PDPR: variants seen among roughly 807,000 people sequenced by gnomAD.
PDPR encodes pyruvate dehydrogenase phosphatase regulatory subunit, mitochondrial.
PDPR carries 50 observed loss-of-function variants against 102.2 expected under a neutral mutation model. That is an observed-to-expected ratio of 0.49 (90% CI 0.39 to 0.62). PDPR has a LOEUF of 0.62. Ranked by LOEUF, PDPR falls within the 20% of genes least tolerant of loss-of-function variation. PDPR has a pLI of 0.00. For missense variants in PDPR, 625 were observed against 1,098.2 expected (o/e 0.57, Z 6.09); for synonymous variants, 259 against 406.0 (o/e 0.64, Z 4.35).
chr16:70,123,111 A>C (rs1300144571), intron 3 of PDPR, among the ~76,000 whole-genome samples: 6 of 152,140 alleles, frequency 3.9e-5, no homozygotes, highest in African/African-American at 7.2e-5. Context: ...CATGTTGGCC[A>C]GGCAGGTCTT....
At chr16:70,144,766 A>G (rs1466464096) in intron 15 of PDPR, among the ~76,000 whole-genome samples, 2 of 152,156 alleles carry the variant, frequency 1.3e-5, no homozygotes, top group East Asian at 3.9e-4. Flanking sequence ...ACCAACCTGG[A>G]CTATATGGTG....
chr16:70,143,997 TC>T (rs1190129709), intron 14 of PDPR, among the ~76,000 whole-genome samples: 1 of 152,148 alleles, frequency 6.6e-6, no homozygotes, highest in Non-Finnish European at 1.5e-5. Context: ...GCTCAAGTGA[TC>T]CTCCCACCTC....
At chr16:70,115,711 G>C (rs1597279229) in intron 2 of PDPR, among the ~76,000 whole-genome samples, 1 of 152,144 alleles carries the variant, frequency 6.6e-6, no homozygotes, top group Non-Finnish European at 1.5e-5. Context: ...GGAATAAGCA[G>C]ATCTGAGTAG....
chr16:70,142,957 A>C (rs1965881639), intron 13 of PDPR, among the ~76,000 whole-genome samples: 4 of 152,258 alleles, frequency 2.6e-5, no homozygotes, highest in Admixed American at 2.0e-4. Context: ...GCAGTTTGGG[A>C]GGCCGAGACG....
chr16:70,123,496 C>T (rs1412096307), intron 3 of PDPR, among the ~76,000 whole-genome samples: 1 of 152,268 alleles, frequency 6.6e-6, no homozygotes, highest in Non-Finnish European at 1.5e-5. Flanking sequence ...CCTCAACCTC[C>T]CAAAGTACTG....
In PDPR at chr16:70,156,623, A is replaced by G. The variant is rs1471050353; in HGVS notation, c.2384A>G (p.Tyr795Cys). 2 of 1,613,984 alleles carry G rather than the reference A, an allele frequency of 1.2e-6. No individual in the cohort carries two copies. The highest frequency in any genetic ancestry group is 3.3e-5 in the Admixed American group (2 of 60,014). ...WGEPIYRNGQ[Y>C]VGKTTSSAYS... ...GAGCCCATTTACCGGAATGGGCAGT[A>G]TGTTGGCAAGACCACCAGCAGTGCC... Residue 795 changes from tyrosine to cysteine, a missense_variant, in exon 19 of 19, where the codon TAT (tyrosine) becomes TGT (cysteine). Tyr to Cys is a radical substitution (Grantham distance 194). Transcript: ENST00000288050.
intron 15 of PDPR, among the ~76,000 whole-genome samples, chr16:70,144,783 C>T (rs1377005635): frequency 5.3e-5 from 8 of 152,338 alleles, no homozygotes; most frequent in South Asian, 2.1e-4. Context: ...GGTGAAACCC[C>T]GTCTCTACTA....
intron 17 of PDPR, among the ~76,000 whole-genome samples, chr16:70,152,376 G>A (rs1011349891): frequency 6.6e-6 from 1 of 152,286 alleles, no homozygotes; most frequent in African/African-American, 2.4e-5. Context: ...AAAATTAGCT[G>A]GGTGTGGCGG....
chr16:70,159,451 C>G lies in PDPR; in HGVS notation c.*2572C>G, dbSNP rs537141381. The stretch of plus-strand genomic sequence containing the variant: ...ATGGGGTGTTGATCTTCTAGGACAT[C>G]ACTTGTTTATTCAGTGCCCCAAACA... On this transcript the variant is annotated 3_prime_UTR_variant, in exon 19 of 19. Coordinates refer to ENST00000288050, the MANE Select transcript of PDPR (RefSeq NM_017990.5). 2 of 152,752 alleles carry G rather than the reference C, an allele frequency of 1.3e-5. No individual in the cohort carries two copies. Among genetic ancestry groups the G allele is most frequent in the South Asian group, 2.1e-4 (1 of 4,834 alleles). The allele number at this position is 152,752 out of a possible 1,614,324, so 9.5% of individuals were successfully genotyped here.
At chr16:70,131,881 G>A (rs1239877254) in intron 8 of PDPR, 8 of 1,449,062 alleles carry the variant, frequency 5.5e-6, no homozygotes, top group African/African-American at 1.4e-5. Context: ...GGAGTTACGT[G>A]GTTTGCTTGT....
intron 2 of PDPR, among the ~76,000 whole-genome samples, chr16:70,115,163 G>A (rs1567512392): frequency 2.0e-5 from 3 of 151,830 alleles, no homozygotes; most frequent in African/African-American, 4.8e-5. Context: ...TCACTCTGTC[G>A]CCCAGGCGGG....
At position 70,153,386 on chromosome 16, in the gene PDPR, T is replaced by C. The variant is rs112390495; in HGVS notation, c.2053-5T>C. The C allele has an allele frequency of 3.4e-5, 54 of 1,610,582 alleles. No homozygotes were observed. The highest frequency in any genetic ancestry group is 2.8e-4 in the African/African-American group (21 of 74,930). ...TGCTTATGAACTTTCTGTCTCTTCC[T>C]ATAGTACGCCCTGCATGTATACAAT... On this transcript the variant is annotated splice_polypyrimidine_tract_variant and splice_region_variant and intron_variant, in intron 17 of 18. Coordinates refer to ENST00000288050, the MANE Select transcript of PDPR (RefSeq NM_017990.5).
At position 70,161,877 on chromosome 16, in the gene PDPR, CCTT is replaced by C. The variant is rs1463955972; in HGVS notation, c.*5002_*5004del. On this transcript the variant is annotated 3_prime_UTR_variant, in exon 19 of 19. Coordinates refer to ENST00000288050, the MANE Select transcript of PDPR (RefSeq NM_017990.5). Reference sequence around the variant, plus strand: ...TTTATCCTTTGCAGACCATCTTCTGCCTTCTTATTTTCCTGTCTGTCAAAGACA... The same window carrying C: ...TTTATCCTTTGCAGACCATCTTCTGCCTTATTTTCCTGTCTGTCAAAGACA... 2 of 152,498 alleles carry C rather than the reference CCTT, an allele frequency of 1.3e-5. No individual in the cohort carries two copies. The highest frequency in any genetic ancestry group is 2.4e-5 in the African/African-American group (1 of 41,594). The allele number at this position is 152,498 out of a possible 1,614,324, so 9.4% of individuals were successfully genotyped here.
At chr16:70,115,628 C>T (rs546945886) in intron 2 of PDPR, among the ~76,000 whole-genome samples, 1 of 152,296 alleles carries the variant, frequency 6.6e-6, no homozygotes, top group South Asian at 2.1e-4. Flanking sequence ...TTGTGACCGG[C>T]AGTCCACTGT....
chr16:70,141,835 C>G (rs1484248204), intron 11 of PDPR, among the ~76,000 whole-genome samples: 2 of 152,288 alleles, frequency 1.3e-5, no homozygotes, highest in Admixed American at 6.5e-5. Context: ...CAGAGTGGCT[C>G]ACGCCTGTAA....
At chr16:70,148,053 G>T (rs1480280093) in intron 16 of PDPR, among the ~76,000 whole-genome samples, 2 of 152,252 alleles carry the variant, frequency 1.3e-5, no homozygotes, top group Non-Finnish European at 2.9e-5. Flanking sequence ...ATGTCTGTGG[G>T]CATCGGGCAT....
At chr16:70,121,483 G>A (rs953778242) in intron 3 of PDPR, among the ~76,000 whole-genome samples, 5 of 151,576 alleles carry the variant, frequency 3.3e-5, no homozygotes, top group African/African-American at 2.4e-5. Context: ...CCTCAGGTCA[G>A]GAGTTCTAGA....
chr16:70,153,324 T>G (rs1597380542), intron 17 of PDPR, 67 bp from the exon 18 acceptor site: 1 of 1,504,136 alleles, frequency 6.6e-7, no homozygotes, highest in Non-Finnish European at 9.0e-7. Flanking sequence ...CCATCAGCGC[T>G]TCCAGACATG....
rs1210178100 is a variant in PDPR at position 70,158,029 on chromosome 16, CTG to C, written c.*1151_*1152del. The C allele has an allele frequency of 6.5e-6, 1 of 153,306 alleles. No individual in the cohort carries two copies. Among genetic ancestry groups the C allele is most frequent in the Non-Finnish European group, 1.5e-5 (1 of 68,742 alleles). The allele number at this position is 153,306 out of a possible 1,614,324, so 9.5% of individuals were successfully genotyped here. A position where few individuals can be genotyped will look rare whatever the true frequency, so the allele number is the denominator to read the frequency against. On this transcript the variant is annotated 3_prime_UTR_variant, in exon 19 of 19. Coordinates refer to ENST00000288050, the MANE Select transcript of PDPR (RefSeq NM_017990.5). Reference sequence around the variant, plus strand: ...CACAGAGGTGACCCACGTTAGTCCACTGAGAGTTCTGAGTCCAAAGGGTGTAC... The same window carrying C: ...CACAGAGGTGACCCACGTTAGTCCACAGAGTTCTGAGTCCAAAGGGTGTAC...
Sources: gnomAD v4.1 joint callset for allele counts (sites outside exome capture counted in the v4.1 genomes callset) on GRCh38, gnomAD v4.1.1 for gene constraint, MANE v1.5 for transcripts, NCBI Gene and HGNC (gene_info 2026-07-23, HGNC 2026-07-21) for gene names.